The following KCND3 variants were observed in gnomAD, a reference collection of about 807,000 sequenced individuals.
KCND3 encodes the protein potassium voltage-gated channel subfamily D member 3.
KCND3 carries 9 observed loss-of-function variants against 51.1 expected under a neutral mutation model. The ratio of observed to expected loss-of-function variants is 0.18; its 90% CI spans 0.11 to 0.31. KCND3 has a LOEUF of 0.31. KCND3 is among the 10% of genes least tolerant of loss of function. The pLI is 1.00. For synonymous variants in KCND3, 349 were observed against 368.0 expected, an observed-to-expected ratio of 0.95 and a Z score of 0.59; for missense variants, 526 against 903.8, an observed-to-expected ratio of 0.58 and a Z score of 5.36.
intron 2 of KCND3, among the ~76,000 whole-genome samples, chr1:111,788,055 A>G (rs1213308712): frequency 6.6e-6 from 1 of 152,194 alleles, no homozygotes; most frequent in African/African-American, 2.4e-5. Flanking sequence ...GAGCTTGGAG[A>G]AACTCTTTTA....
chr1:111,864,507 T>TC (rs1668468442), intron 2 of KCND3, among the ~76,000 whole-genome samples: 1 of 152,242 alleles, frequency 6.6e-6, no homozygotes, highest in Non-Finnish European at 1.5e-5. Flanking sequence ...ATCTGGCTTC[T>TC]TAAGGGCTGT....
At chr1:111,906,545 T>G (rs1007605689) in intron 2 of KCND3, among the ~76,000 whole-genome samples, 15 of 152,230 alleles carry the variant, frequency 9.9e-5, no homozygotes, top group African/African-American at 3.6e-4. Flanking sequence ...AAACAAAATG[T>G]AACTCTTTTC....
intron 3 of KCND3, among the ~76,000 whole-genome samples, chr1:111,785,935 A>C (rs1447877732): frequency 6.6e-6 from 1 of 152,202 alleles, no homozygotes; most frequent in Non-Finnish European, 1.5e-5. Context: ...TAAAAGAATA[A>C]AGTAAGGAGA....
At chr1:111,946,041 T>C (rs1303449840) in intron 2 of KCND3, among the ~76,000 whole-genome samples, 2 of 152,220 alleles carry the variant, frequency 1.3e-5, no homozygotes, top group African/African-American at 2.4e-5. Flanking sequence ...ATTAAGTGTG[T>C]ACATAATGAT....
chr1:111,910,500 T>C (rs1318148848), intron 2 of KCND3, among the ~76,000 whole-genome samples: 3 of 152,276 alleles, frequency 2.0e-5, no homozygotes, highest in Non-Finnish European at 2.9e-5. Flanking sequence ...CCTGTTCTGC[T>C]GGGGAGCAGG....
At chr1:111,970,549 C>T (rs1210135467) in intron 2 of KCND3, among the ~76,000 whole-genome samples, 1 of 152,240 alleles carries the variant, frequency 6.6e-6, no homozygotes, top group East Asian at 1.9e-4. Context: ...CTTCTCCTCA[C>T]ACTTTCCTGT....
chr1:111,932,607 T>A (rs1282532256), intron 2 of KCND3, among the ~76,000 whole-genome samples: 1 of 152,228 alleles, frequency 6.6e-6, no homozygotes, highest in Non-Finnish European at 1.5e-5. Context: ...AGATACCTCA[T>A]ATAAATGGAA....
chr1:111,885,907 G>A (rs1034001896), intron 2 of KCND3, among the ~76,000 whole-genome samples: 6 of 151,962 alleles, frequency 3.9e-5, no homozygotes, highest in Admixed American at 6.6e-5. Flanking sequence ...TCCTGACCTC[G>A]TGATCCACCT....
intron 2 of KCND3, among the ~76,000 whole-genome samples, chr1:111,847,227 G>A (rs1667592439): frequency 6.6e-6 from 1 of 152,122 alleles, no homozygotes. Context: ...CCATAGTATT[G>A]GGGTTTTCAT....
intron 2 of KCND3, among the ~76,000 whole-genome samples, chr1:111,931,525 G>T (rs191078360): frequency 9.9e-5 from 15 of 152,266 alleles, no homozygotes; most frequent in Non-Finnish European, 1.8e-4. Context: ...AGATTCTAGA[G>T]CCTGGGTTCA....
At chr1:111,806,648 T>TG (rs1423105754) in intron 2 of KCND3, among the ~76,000 whole-genome samples, 1 of 152,200 alleles carries the variant, frequency 6.6e-6, no homozygotes, top group Non-Finnish European at 1.5e-5. Context: ...AAATGCTGGA[T>TG]GAAATATAAC....
At chr1:111,882,463 A>T (rs1669378358) in intron 2 of KCND3, among the ~76,000 whole-genome samples, 1 of 152,232 alleles carries the variant, frequency 6.6e-6, no homozygotes, top group South Asian at 2.1e-4. Context: ...CACTGTGCAG[A>T]TTCCAAGGCC....
At chr1:111,845,910 T>TC (rs76437699) in intron 2 of KCND3, among the ~76,000 whole-genome samples, 26,967 of 152,078 alleles carry the variant, frequency 0.18, 2,839 homozygotes, top group African/African-American at 0.3. Flanking sequence ...AACATTGCTG[T>TC]CCCCCTGCAC....
chr1:111,791,847 C>T (rs1405894939), intron 2 of KCND3, among the ~76,000 whole-genome samples: 4 of 152,118 alleles, frequency 2.6e-5, no homozygotes, highest in African/African-American at 9.7e-5. Context: ...ATGGGAAGGA[C>T]CTGGTTTAAA....
At chr1:111,972,001 A>AAC (rs1674353075) in intron 2 of KCND3, among the ~76,000 whole-genome samples, 1 of 152,178 alleles carries the variant, frequency 6.6e-6, no homozygotes, top group Non-Finnish European at 1.5e-5. Context: ...ACATTCATCC[A>AAC]GAAGACAGCT....
At position 111,773,877 on chromosome 1, in the gene KCND3, C is replaced by G. The variant is rs1329872783; in HGVS notation, c.*2200G>C. 6.6e-6 allele frequency: 1 copy of G among 152,108 alleles called. No individual in the cohort carries two copies. The highest frequency in any genetic ancestry group is 1.5e-5 in the Non-Finnish European group (1 of 68,024). 9.4% of individuals were successfully genotyped at this position (152,108 alleles called of 1,614,324 possible). ...TCTAAGTGAAGTTTAGCTTGGTCTT[C>G]TAATGAGATGTGTATATGAAGTGAA... On this transcript the variant is annotated 3_prime_UTR_variant, in exon 8 of 8. Transcript: ENST00000302127.
intron 2 of KCND3, among the ~76,000 whole-genome samples, chr1:111,939,490 T>C (rs1672385324): frequency 6.6e-6 from 1 of 152,216 alleles, no homozygotes; most frequent in Admixed American, 6.5e-5. Context: ...TTTGGTTTTC[T>C]GTTCCCGTGT....
intron 2 of KCND3, among the ~76,000 whole-genome samples, chr1:111,876,442 G>A (rs371835717): frequency 1.3e-5 from 2 of 152,166 alleles, no homozygotes; most frequent in African/African-American, 2.4e-5. Context: ...ATTCACCTCC[G>A]AGGCCCTCTT....
intron 1 of KCND3, among the ~76,000 whole-genome samples, chr1:111,987,327 T>C (rs776850867): frequency 7.9e-5 from 12 of 152,160 alleles, no homozygotes; most frequent in Non-Finnish European, 1.6e-4. Context: ...CCTCCCTATC[T>C]TGGGACCATA....
Sources: gnomAD v4.1 joint callset for allele counts (sites outside exome capture counted in the v4.1 genomes callset) on GRCh38, gnomAD v4.1.1 for gene constraint, MANE v1.5 for transcripts, NCBI Gene and HGNC (gene_info 2026-07-23, HGNC 2026-07-21) for gene names.